The following MYO3B variants were observed in gnomAD, a reference collection of about 807,000 sequenced individuals.
The protein encoded by MYO3B is myosin IIIB.
MYO3B carries 156 observed loss-of-function variants against 174.6 expected under a neutral mutation model. The observed-to-expected ratio is 0.89, with a 90% CI of 0.78 to 1.02. MYO3B has a LOEUF of 1.02. Among genes scored for constraint, MYO3B ranks in the 50% least tolerant of loss-of-function variants. The probability of loss-of-function intolerance (pLI) is 0.00; values close to 1 mark genes in which losing one functional copy is unlikely to be tolerated. For synonymous variants in MYO3B, 563 were observed against 569.1 expected, an observed-to-expected ratio of 0.99 and a Z score of 0.15; for missense variants, 1,632 against 1,639.4, an observed-to-expected ratio of 1.00 and a Z score of 0.08.
chr2:170,505,181 TAGGGGGG>T (rs1348353020), intron 28 of MYO3B, among the ~76,000 whole-genome samples: 9 of 150,906 alleles, frequency 6.0e-5, no homozygotes, highest in African/African-American at 2.2e-4. Flanking sequence ...TTATGAGATG[TAGGGGGG>T]AGAGGGGAGA....
At chr2:170,311,010 G>A (rs1176321350) in intron 7 of MYO3B, among the ~76,000 whole-genome samples, 1 of 152,114 alleles carries the variant, frequency 6.6e-6, no homozygotes. Flanking sequence ...TGGTTGCGGG[G>A]CCTTAGAATT....
chr2:170,288,954 T>C (rs1264781801), intron 7 of MYO3B, among the ~76,000 whole-genome samples: 1 of 152,168 alleles, frequency 6.6e-6, no homozygotes, highest in East Asian at 1.9e-4. Context: ...TTTCAGCATC[T>C]ATTGAAACAA....
chr2:170,466,343 T>G (rs1684629412), intron 24 of MYO3B, among the ~76,000 whole-genome samples, 163 bp from the exon 25 acceptor site: 1 of 152,234 alleles, frequency 6.6e-6, no homozygotes, highest in Admixed American at 6.5e-5. Context: ...TGCAGATGGC[T>G]ATAAGTGCAA....
chr2:170,368,628 C>T (rs1444995812), intron 8 of MYO3B, among the ~76,000 whole-genome samples: 1 of 152,168 alleles, frequency 6.6e-6, no homozygotes, highest in Non-Finnish European at 1.5e-5. Context: ...TTGTATAATT[C>T]TATTCCAATT....
intron 29 of MYO3B, among the ~76,000 whole-genome samples, chr2:170,516,662 G>A (rs893360278): frequency 6.8e-6 from 1 of 147,678 alleles, no homozygotes; most frequent in Non-Finnish European, 1.5e-5. Context: ...AAAAAAAAAT[G>A]TGAATGGCTT....
At chr2:170,631,701 A>G (rs145759765) in intron 32 of MYO3B, among the ~76,000 whole-genome samples, 19,869 of 152,014 alleles carry the variant, frequency 0.13, 1,452 homozygotes, top group East Asian at 0.31. Flanking sequence ...CTAACAGTGG[A>G]TCTCTCAGCA....
chr2:170,404,680 T>C (rs1344941), intron 20 of MYO3B, among the ~76,000 whole-genome samples: 136,979 of 152,068 alleles, frequency 0.9, 62,173 homozygotes, highest in Middle Eastern at 0.98. Context: ...CTCTCTCTTC[T>C]TTCCTATAGG....
chr2:170,372,131 A>AAC (rs1199321906), intron 9 of MYO3B, among the ~76,000 whole-genome samples: 1 of 142,550 alleles, frequency 7.0e-6, no homozygotes, highest in East Asian at 2.0e-4. Context: ...AAAAAAAAAA[A>AAC]AAAAAAAAAA....
intron 8 of MYO3B, among the ~76,000 whole-genome samples, chr2:170,366,506 C>T (rs905044128): frequency 6.6e-6 from 1 of 151,892 alleles, no homozygotes; most frequent in Non-Finnish European, 1.5e-5. Context: ...GTTGCTCAGG[C>T]TTCTCTTGAA....
intron 23 of MYO3B, among the ~76,000 whole-genome samples, chr2:170,461,407 A>G (rs1427171352): frequency 2.3e-5 from 3 of 133,302 alleles, no homozygotes; most frequent in Non-Finnish European, 4.6e-5. Context: ...CCAGAGGTGG[A>G]GGTTGCAGTG....
intron 6 of MYO3B, among the ~76,000 whole-genome samples, chr2:170,225,240 G>A (rs1030548599): frequency 6.6e-6 from 1 of 152,208 alleles, no homozygotes; most frequent in African/African-American, 2.4e-5. Context: ...CTAGTCCAAT[G>A]TTTTAGGTGA....
rs10675765 is a variant in MYO3B, at chr2:170,357,339, T to TTATATATA, written c.816-11877_816-11870dup. ...TAAAAATAAAAATAAATAATATATATTATATATATATATTTTATATATTAT... is the reference window on the plus strand; with the variant it reads ...TAAAAATAAAAATAAATAATATATATTATATATATATATATATATATTTTATATATTAT... On this transcript the variant is annotated intron_variant, in intron 8 of 34. Transcript: ENST00000408978. 3.4e-3 allele frequency among the ~76,000 whole-genome samples: 501 copies of TTATATATA among 145,390 alleles called. 1 individual carries two copies. Among genetic ancestry groups the TTATATATA allele is most frequent in the African/African-American group, 0.012 (468 of 39,814 alleles).
At chr2:170,427,625 G>A (rs888195926) in intron 22 of MYO3B, among the ~76,000 whole-genome samples, 3 of 152,068 alleles carry the variant, frequency 2.0e-5, no homozygotes, top group Non-Finnish European at 4.4e-5. Flanking sequence ...GGTTTCCTGT[G>A]GAATACTACC....
chr2:170,266,756 T>G (rs2093386918), intron 7 of MYO3B, among the ~76,000 whole-genome samples: 2 of 152,208 alleles, frequency 1.3e-5, no homozygotes, highest in African/African-American at 2.4e-5. Flanking sequence ...AACAGCCCCA[T>G]GTCATTTCTA....
intron 32 of MYO3B, among the ~76,000 whole-genome samples, chr2:170,589,935 G>A (rs1349065247): frequency 6.6e-6 from 1 of 152,030 alleles, no homozygotes; most frequent in African/African-American, 2.4e-5. Flanking sequence ...TTTTTACTGT[G>A]CCTTTTCTAT....
At chr2:170,320,013 A>G (rs1333211713) in intron 7 of MYO3B, among the ~76,000 whole-genome samples, 2 of 152,262 alleles carry the variant, frequency 1.3e-5, no homozygotes, top group African/African-American at 4.8e-5. Context: ...CCGCCTTACA[A>G]GAAATACTAA....
At chr2:170,276,071 G>A (rs989686767) in intron 7 of MYO3B, among the ~76,000 whole-genome samples, 20 of 152,230 alleles carry the variant, frequency 1.3e-4, no homozygotes, top group African/African-American at 3.9e-4. Context: ...GCAATCATTC[G>A]TAGATTACTT....
At chr2:170,538,841 G>C (rs1442492882) in intron 30 of MYO3B, among the ~76,000 whole-genome samples, 1 of 152,112 alleles carries the variant, frequency 6.6e-6, no homozygotes, top group Non-Finnish European at 1.5e-5. Context: ...TATACAAAGA[G>C]GGACAACTAC....
chr2:170,320,842 GA>G (rs1186273517), intron 7 of MYO3B, among the ~76,000 whole-genome samples: 3 of 151,996 alleles, frequency 2.0e-5, no homozygotes, highest in Non-Finnish European at 2.9e-5. Context: ...ACCTAGGTAT[GA>G]AAAAACAAAA....
Sources: allele counts gnomAD v4.1 joint callset (sites outside exome capture counted in the v4.1 genomes callset), GRCh38; gene constraint gnomAD v4.1.1; transcripts MANE v1.5; gene names NCBI Gene and HGNC (gene_info 2026-07-23, HGNC 2026-07-21).